CTNNA2: variants seen among roughly 807,000 people sequenced by gnomAD.
The protein encoded by CTNNA2 is catenin alpha-2.
In CTNNA2, 42 loss-of-function variants were observed where a neutral mutation model predicts 101.0. The ratio of observed to expected loss-of-function variants is 0.42; its 90% CI spans 0.32 to 0.54. CTNNA2 has a LOEUF of 0.54. Among genes scored for constraint, CTNNA2 ranks in the 20% least tolerant of loss-of-function variants. CTNNA2 has a pLI of 0.14. For missense variants in CTNNA2, 871 were observed against 1,223.1 expected (o/e 0.71, Z 4.29); for synonymous variants, 450 against 456.4 (o/e 0.99, Z 0.18).
intron 7 of CTNNA2, among the ~76,000 whole-genome samples, chr2:80,185,073 T>C (rs1706033337): frequency 6.6e-6 from 1 of 152,202 alleles, no homozygotes; most frequent in African/African-American, 2.4e-5. Flanking sequence ...AATTCAAGTA[T>C]GGCTTAGCTG....
intron 7 of CTNNA2, among the ~76,000 whole-genome samples, chr2:80,300,283 T>TGG (rs1676151085): frequency 9.7e-5 from 1 of 10,274 alleles, no homozygotes; most frequent in African/African-American, 7.5e-4. Flanking sequence ...GGTGTTGGGG[T>TGG]GTGTGTGTGT....
intron 1 of CTNNA2, among the ~76,000 whole-genome samples, chr2:79,646,618 T>C (rs753974836): frequency 1.8e-4 from 26 of 142,590 alleles, no homozygotes; most frequent in Non-Finnish European, 3.3e-4. Context: ...AGCCTCGACA[T>C]CCCTGGGCTC....
chr2:79,374,776 C>T (rs992328940), intron 4 of CTNNA2, among the ~76,000 whole-genome samples: 1 of 151,092 alleles, frequency 6.6e-6, no homozygotes, highest in African/African-American at 2.4e-5. Flanking sequence ...ATTTTTTTTC[C>T]TCCCATCAAG....
At chr2:79,325,636 C>T (rs1006076984) in intron 3 of CTNNA2, among the ~76,000 whole-genome samples, 7 of 152,198 alleles carry the variant, frequency 4.6e-5, no homozygotes, top group African/African-American at 1.4e-4. Flanking sequence ...CCAGCACACT[C>T]TGTGGCCAGG....
chr2:80,149,887 A>C (rs1703585692), intron 7 of CTNNA2, among the ~76,000 whole-genome samples: 1 of 152,132 alleles, frequency 6.6e-6, no homozygotes, highest in Non-Finnish European at 1.5e-5. Flanking sequence ...ATTTTAAGCC[A>C]CATTCAAGAT....
intron 9 of CTNNA2, among the ~76,000 whole-genome samples, chr2:80,508,786 T>C (rs1688480526): frequency 6.6e-6 from 1 of 152,074 alleles, no homozygotes; most frequent in Non-Finnish European, 1.5e-5. Flanking sequence ...CCCTGAGGAA[T>C]TCCCTGAGGA....
chr2:80,495,934 T>C (rs1573037165), intron 9 of CTNNA2, among the ~76,000 whole-genome samples: 1 of 88,618 alleles, frequency 1.1e-5, no homozygotes, highest in African/African-American at 4.2e-5. Context: ...AGCAAGACTC[T>C]GTCTCAAAAA....
intron 7 of CTNNA2, among the ~76,000 whole-genome samples, chr2:80,026,622 C>T (rs945133305): frequency 6.6e-6 from 1 of 152,168 alleles, no homozygotes; most frequent in African/African-American, 2.4e-5. Flanking sequence ...TACTTAGCAA[C>T]TGTCCTTTTG....
At chr2:80,081,658 GCTTAC>G (rs1699157542) in intron 7 of CTNNA2, among the ~76,000 whole-genome samples, 1 of 151,890 alleles carries the variant, frequency 6.6e-6, no homozygotes, top group Non-Finnish European at 1.5e-5. Flanking sequence ...GCTCTTTCTT[GCTTAC>G]CTTTATTGTT....
chr2:79,721,879 A>G (rs1452303531), intron 2 of CTNNA2, among the ~76,000 whole-genome samples: 1 of 152,210 alleles, frequency 6.6e-6, no homozygotes, highest in Admixed American at 6.5e-5. Context: ...TTGAAAATGT[A>G]TTATGTAATA....
In CTNNA2 at chr2:79,981,433, T is replaced by G. The variant is rs1038877228; in HGVS notation, c.1056+71636T>G. The stretch of plus-strand genomic sequence containing the variant: ...GAGAATAGTTTATTTGATCTTTTAG[T>G]TTTCCCTGCTTTGTGTTTTCTGGGT... On this transcript the variant is annotated intron_variant, in intron 7 of 18. Coordinates refer to ENST00000402739, the MANE Select transcript of CTNNA2 (RefSeq NM_001282597.3). 2.6e-5 allele frequency among the ~76,000 whole-genome samples: 4 copies of G among 152,260 alleles called. No individual in the cohort carries two copies. The Middle Eastern group carries it at 0.014, about 518-fold the overall frequency.
rs542204535 is a variant in CTNNA2, at chr2:79,930,007, T to C, written c.1056+20210T>C. ...ATCCCAGCACTTTGAGAGGCTAAGG[T>C]GGACAGATCACCTGAGGTTGGAAGT... On this transcript the variant is annotated intron_variant, in intron 7 of 18. Coordinates refer to ENST00000402739, the MANE Select transcript of CTNNA2 (RefSeq NM_001282597.3). 5.0e-3 allele frequency among the ~76,000 whole-genome samples: 755 copies of C among 151,960 alleles called. 4 individuals are homozygous for C. Among genetic ancestry groups the C allele is most frequent in the Non-Finnish European group, 7.7e-3 (524 of 67,982 alleles).
At chr2:80,138,151 A>G (rs1051175545) in intron 7 of CTNNA2, among the ~76,000 whole-genome samples, 2 of 152,182 alleles carry the variant, frequency 1.3e-5, no homozygotes, top group African/African-American at 4.8e-5. Context: ...AAGAGGGAAT[A>G]AACAATCAAT....
intron 4 of CTNNA2, among the ~76,000 whole-genome samples, chr2:79,388,965 C>T (rs1336727534): frequency 6.6e-6 from 1 of 152,132 alleles, no homozygotes; most frequent in Non-Finnish European, 1.5e-5. Flanking sequence ...TGAACACTAC[C>T]ACATTTAACC....
chr2:79,800,657 G>A (rs1676084857), intron 3 of CTNNA2, among the ~76,000 whole-genome samples: 1 of 152,130 alleles, frequency 6.6e-6, no homozygotes, highest in Non-Finnish European at 1.5e-5. Context: ...AAAGAGAGGG[G>A]CTCCAGCTCT....
At chr2:80,122,941 G>GC (rs1309427624) in intron 7 of CTNNA2, among the ~76,000 whole-genome samples, 1 of 152,100 alleles carries the variant, frequency 6.6e-6, no homozygotes, top group Non-Finnish European at 1.5e-5. Context: ...GGAAGGCAAA[G>GC]CCCTGCACTA....
intron 1 of CTNNA2, among the ~76,000 whole-genome samples, chr2:79,641,087 T>G (rs894602918): frequency 6.6e-6 from 1 of 152,172 alleles, no homozygotes; most frequent in African/African-American, 2.4e-5. Flanking sequence ...AGAAGACTTT[T>G]GTTAAAGAAA....
chr2:80,417,804 C>G (rs930619853), intron 8 of CTNNA2, among the ~76,000 whole-genome samples: 6 of 151,978 alleles, frequency 3.9e-5, no homozygotes, highest in Admixed American at 6.6e-5. Context: ...GTTTCTTAAT[C>G]TAATTTTTCT....
At chr2:80,048,354 G>A (rs1696661945) in intron 7 of CTNNA2, among the ~76,000 whole-genome samples, 1 of 152,208 alleles carries the variant, frequency 6.6e-6, no homozygotes, top group East Asian at 1.9e-4. Flanking sequence ...CAGGCAGTGA[G>A]AAGGGAGGGG....
Sources: gnomAD v4.1 joint callset for allele counts (sites outside exome capture counted in the v4.1 genomes callset) on GRCh38, gnomAD v4.1.1 for gene constraint, MANE v1.5 for transcripts, NCBI Gene and HGNC (gene_info 2026-07-23, HGNC 2026-07-21) for gene names.